Variants in ERGIC1 observed in about 807,000 individuals in gnomAD.
ERGIC1 encodes endoplasmic reticulum-golgi intermediate compartment 1.
Under a neutral mutation model 38.3 loss-of-function variants are expected in ERGIC1, and 19 were observed. That is an observed-to-expected ratio of 0.50 (90% CI 0.35 to 0.73). ERGIC1 has a LOEUF of 0.73. Ranked by LOEUF, ERGIC1 falls within the 30% of genes least tolerant of loss-of-function variation. The pLI is 0.01. For synonymous variants in ERGIC1, 124 were observed against 157.6 expected (o/e 0.79, Z 1.60); for missense variants, 294 against 389.2 (o/e 0.76, Z 2.06).
intron 1 of ERGIC1, among the ~76,000 whole-genome samples, chr5:172,843,936 T>C (rs1043919255): frequency 6.6e-6 from 1 of 152,190 alleles, no homozygotes; most frequent in African/African-American, 2.4e-5. Flanking sequence ...GTGAGACAAG[T>C]ATACTTGGAG....
chr5:172,862,900 A>C (rs1204065743), intron 1 of ERGIC1, among the ~76,000 whole-genome samples: 1 of 152,252 alleles, frequency 6.6e-6, no homozygotes, highest in East Asian at 1.9e-4. Flanking sequence ...TGTGAAAGTC[A>C]AAGCAGTGAG....
chr5:172,843,820 C>G (rs932944358), intron 1 of ERGIC1, among the ~76,000 whole-genome samples: 1 of 152,252 alleles, frequency 6.6e-6, no homozygotes, highest in Admixed American at 6.5e-5. Context: ...GGGCCCAGGA[C>G]AAGACACTTT....
At chr5:172,859,995 T>C (rs767277759) in intron 1 of ERGIC1, among the ~76,000 whole-genome samples, 5 of 152,254 alleles carry the variant, frequency 3.3e-5, no homozygotes, top group African/African-American at 4.8e-5. Flanking sequence ...GGTGCTTCTG[T>C]AGAAAGTACT....
intron 1 of ERGIC1, 63 bp from the exon 2 acceptor site, chr5:172,888,636 G>A: frequency 1.5e-6 from 2 of 1,318,728 alleles, no homozygotes; most frequent in Non-Finnish European, 2.2e-6. Flanking sequence ...CAGCACCACT[G>A]CCTGCTGCCT....
intron 1 of ERGIC1, among the ~76,000 whole-genome samples, chr5:172,853,416 G>C (rs1179243633): frequency 1.3e-5 from 2 of 152,184 alleles, no homozygotes; most frequent in Non-Finnish European, 2.9e-5. Context: ...TTCCTCAGTG[G>C]AGCCTTCTGC....
At chr5:172,932,923 C>A (rs1159918261) in intron 8 of ERGIC1, 10 of 189,498 alleles carry the variant, frequency 5.3e-5, no homozygotes, top group Admixed American at 2.3e-4. Context: ...AGGCACTTTA[C>A]CCAAACTCAT....
At chr5:172,853,888 G>C (rs1761473852) in intron 1 of ERGIC1, among the ~76,000 whole-genome samples, 1 of 152,192 alleles carries the variant, frequency 6.6e-6, no homozygotes, top group South Asian at 2.1e-4. Context: ...ATCTCACTTG[G>C]GATAGTGGAA....
chr5:172,932,774 T>G (rs1386534885), intron 8 of ERGIC1: 1 of 536,186 alleles, frequency 1.9e-6, no homozygotes, highest in Non-Finnish European at 3.4e-6. Context: ...GTGTGATGCG[T>G]TTGACAAAGA....
At chr5:172,867,244 C>A (rs1761889695) in intron 1 of ERGIC1, 2 of 452,108 alleles carry the variant, frequency 4.4e-6, no homozygotes, top group South Asian at 3.1e-5. Flanking sequence ...GCATCACTGA[C>A]ACTGCATGGT....
intron 1 of ERGIC1, among the ~76,000 whole-genome samples, chr5:172,852,820 G>A (rs565930502): frequency 2.0e-5 from 3 of 152,386 alleles, no homozygotes; most frequent in South Asian, 2.1e-4. Flanking sequence ...GCCATGCGAC[G>A]TGCTCAGCAC....
At chr5:172,874,742 A>G (rs958318251) in intron 1 of ERGIC1, among the ~76,000 whole-genome samples, 1 of 151,962 alleles carries the variant, frequency 6.6e-6, no homozygotes, top group Non-Finnish European at 1.5e-5. Context: ...CCAGGGCAAC[A>G]TGGCAAAACC....
intron 2 of ERGIC1, among the ~76,000 whole-genome samples, chr5:172,891,801 A>G (rs1762565913): frequency 6.6e-6 from 1 of 152,170 alleles, no homozygotes; most frequent in Admixed American, 6.5e-5. Flanking sequence ...TACTCTGCAC[A>G]CTGTTCTTCC....
At chr5:172,939,136 T>A (rs1401487858) in intron 9 of ERGIC1, among the ~76,000 whole-genome samples, 1 of 152,104 alleles carries the variant, frequency 6.6e-6, no homozygotes, top group African/African-American at 2.4e-5. Context: ...TCACTTAACA[T>A]TTGCTAGAAT....
intron 1 of ERGIC1, among the ~76,000 whole-genome samples, chr5:172,877,608 GC>G (rs141709328): frequency 0.43 from 65,093 of 151,186 alleles, 15,037 homozygotes; most frequent in Middle Eastern, 0.58. Flanking sequence ...GTAACAGAAT[GC>G]AGCGTTCTGC....
At chr5:172,943,831 G>C (rs770309634) in intron 9 of ERGIC1, among the ~76,000 whole-genome samples, 12 of 152,334 alleles carry the variant, frequency 7.9e-5, no homozygotes, top group Non-Finnish European at 1.3e-4. Flanking sequence ...GAAGGCGTTC[G>C]TGCTGGTGGA....
At chr5:172,914,682 T>C (rs898102938) in intron 4 of ERGIC1, 32 bp from the exon 5 acceptor site, 1 of 1,613,752 alleles carries the variant, frequency 6.2e-7, no homozygotes, top group African/African-American at 1.3e-5. Flanking sequence ...GTCTCTGGGT[T>C]TGTGACTGTT....
At chr5:172,863,778 A>G (rs964264510) in intron 1 of ERGIC1, among the ~76,000 whole-genome samples, 13 of 152,224 alleles carry the variant, frequency 8.5e-5, no homozygotes, top group African/African-American at 3.1e-4. Flanking sequence ...GCTTTGTCAC[A>G]CGGAGCTGGT....
At chr5:172,882,448 C>CA in intron 1 of ERGIC1, among the ~76,000 whole-genome samples, 1 of 152,110 alleles carries the variant, frequency 6.6e-6, no homozygotes, top group East Asian at 1.9e-4. Context: ...TCTGATTTAC[C>CA]AAAAAATGAG....
In ERGIC1 at chr5:172,868,020, C is replaced by G. The variant is rs73325129; in HGVS notation, c.21-20679C>G. 2.0e-3 allele frequency among the ~76,000 whole-genome samples: 302 copies of G among 152,308 alleles called. 1 individual carries two copies. Among genetic ancestry groups the G allele is most frequent in the African/African-American group, 7.1e-3 (295 of 41,558 alleles). On this transcript the variant is annotated intron_variant, in intron 1 of 9. Coordinates refer to ENST00000393784, the MANE Select transcript of ERGIC1 (RefSeq NM_001031711.3). ...GCCGAAAGCTGGGTTGTCTCTACTCCCCTCCATGCTGCTCTGCAGAAGAGA... is the reference window on the plus strand; with the variant it reads ...GCCGAAAGCTGGGTTGTCTCTACTCGCCTCCATGCTGCTCTGCAGAAGAGA...
Sources: allele counts gnomAD v4.1 joint callset (sites outside exome capture counted in the v4.1 genomes callset), GRCh38; gene constraint gnomAD v4.1.1; transcripts MANE v1.5; gene names NCBI Gene and HGNC (gene_info 2026-07-23, HGNC 2026-07-21).